BIN2: variants seen among roughly 807,000 people sequenced by gnomAD.
The protein encoded by BIN2 is bridging integrator 2.
In BIN2, 43 loss-of-function variants were observed where a neutral mutation model predicts 67.9. The observed-to-expected ratio is 0.63, with a 90% CI of 0.50 to 0.82. BIN2 has a LOEUF of 0.82. Among genes scored for constraint, BIN2 ranks in the 40% least tolerant of loss-of-function variants. The pLI is 0.00. For missense variants in BIN2, 581 were observed against 671.6 expected (o/e 0.87, Z 1.49); for synonymous variants, 244 against 246.8 (o/e 0.99, Z 0.11).
chr12:51,317,619 T>G (rs1592283045), intron 1 of BIN2, among the ~76,000 whole-genome samples: 1 of 151,162 alleles, frequency 6.6e-6, no homozygotes, highest in Non-Finnish European at 1.5e-5. Context: ...ATTGCGCCAT[T>G]GCACTCCAGC....
At chr12:51,323,121 C>T (rs1946330094) in intron 1 of BIN2, 2 of 152,102 alleles carry the variant, frequency 1.3e-5, no homozygotes, top group Non-Finnish European at 2.9e-5. Context: ...AAAGGAAAAC[C>T]GAAACTCTAT....
intron 8 of BIN2, among the ~76,000 whole-genome samples, chr12:51,296,641 C>T (rs1404218005): frequency 6.6e-6 from 1 of 151,890 alleles, no homozygotes; most frequent in African/African-American, 2.4e-5. Flanking sequence ...TCTTGGAATC[C>T]CAGGACTAGA....
chr12:51,302,031 T>C lies in BIN2; in HGVS notation c.397A>G (p.Ser133Gly). The C allele has an allele frequency of 1.9e-6, 3 of 1,612,564 alleles. No homozygotes were observed. The highest frequency in any genetic ancestry group is 2.5e-6 in the Non-Finnish European group (3 of 1,178,612). ...TGTACATTGAGTACCTTAATTTCACTGAACTGGGCAACATAGATTTCCATG... is the reference window on the plus strand; with the variant it reads ...TGTACATTGAGTACCTTAATTTCACCGAACTGGGCAACATAGATTTCCATG... ...RTMEIYVAQF[S>G]EIKERIAKRG... Residue 133 changes from serine (S) to glycine (G), a missense_variant, in exon 5 of 13, where the codon AGT (serine) becomes GGT (glycine). Transcript: ENST00000615107.
chr12:51,319,730 G>A (rs1177317445), intron 1 of BIN2, among the ~76,000 whole-genome samples: 2 of 152,084 alleles, frequency 1.3e-5, no homozygotes, highest in Non-Finnish European at 2.9e-5. Flanking sequence ...TAACTTTTCT[G>A]TAGATCAGGG....
chr12:51,293,130 C>T (rs1945434411), intron 9 of BIN2, among the ~76,000 whole-genome samples: 1 of 151,842 alleles, frequency 6.6e-6, no homozygotes, highest in Non-Finnish European at 1.5e-5. Context: ...CTCACAGAAA[C>T]CTGTGTTTTG....
chr12:51,303,933 T>C (rs1302527194), intron 2 of BIN2, among the ~76,000 whole-genome samples: 1 of 152,228 alleles, frequency 6.6e-6, no homozygotes, highest in African/African-American at 2.4e-5. Context: ...TATCACTTGA[T>C]TTTAAACTAG....
chr12:51,320,907 T>C (rs1946255246), intron 1 of BIN2, among the ~76,000 whole-genome samples: 1 of 117,924 alleles, frequency 8.5e-6, no homozygotes, highest in Admixed American at 9.3e-5. Flanking sequence ...AGTACTATAG[T>C]TGGAAATGAG....
chr12:51,309,537 T>C (rs796380304), intron 2 of BIN2, among the ~76,000 whole-genome samples: 20 of 151,178 alleles, frequency 1.3e-4, no homozygotes, highest in African/African-American at 4.8e-4. Context: ...ATTCTCTCAG[T>C]CAAGAAGTTT....
chr12:51,320,641 T>A (rs866513769), intron 1 of BIN2, among the ~76,000 whole-genome samples: 1,855 of 151,512 alleles, frequency 0.012, 40 homozygotes, highest in African/African-American at 0.042. Flanking sequence ...ATTCTTTTTT[T>A]TTTTTTTTTT....
At chr12:51,308,409 C>A (rs1019489682) in intron 2 of BIN2, among the ~76,000 whole-genome samples, 1 of 152,164 alleles carries the variant, frequency 6.6e-6, no homozygotes, top group Admixed American at 6.5e-5. Flanking sequence ...TACAAACAGT[C>A]CCAACCCTCA....
At chr12:51,322,377 TTGTA>T (rs1946306575) in intron 1 of BIN2, among the ~76,000 whole-genome samples, 3 of 152,146 alleles carry the variant, frequency 2.0e-5, no homozygotes, top group Admixed American at 2.0e-4. Flanking sequence ...ATACAATCAA[TTGTA>T]TGTCTTTTAT....
In BIN2 at chr12:51,295,577, AATATATATATATATATATATATATAT is replaced by A. The variant is rs1163870830; in HGVS notation, c.761+193_761+218del. Among the ~76,000 whole-genome samples the A allele has an allele frequency of 7.0e-3, 207 of 29,542 alleles. 19 individuals carry two copies. The highest frequency in any genetic ancestry group is 0.038 in the East Asian group (35 of 922). The allele number at this position is 29,542 out of a possible 152,430, so 19.4% of individuals were successfully genotyped here. Reference sequence around the variant, plus strand: ...GACTCCGTCTCAAAAAAAAAAAAAAAATATATATATATATATATATATATATATATATATATATATATATATATATA... The same window carrying A: ...GACTCCGTCTCAAAAAAAAAAAAAAAATATATATATATATATATATATATA... On this transcript the variant is annotated intron_variant, in intron 9 of 12. Transcript: ENST00000615107.
intron 1 of BIN2, among the ~76,000 whole-genome samples, chr12:51,319,146 A>C (rs567673128): frequency 6.6e-6 from 1 of 152,094 alleles, no homozygotes; most frequent in Non-Finnish European, 1.5e-5. Context: ...TTAGGTGGAG[A>C]GGACAGAAAA....
chr12:51,311,883 T>A (rs927057222), intron 2 of BIN2, among the ~76,000 whole-genome samples: 2 of 152,148 alleles, frequency 1.3e-5, no homozygotes, highest in Non-Finnish European at 2.9e-5. Context: ...GCAATTCTCC[T>A]GCTTCAGCCT....
chr12:51,303,589 T>G (rs2137402654), intron 2 of BIN2, among the ~76,000 whole-genome samples: 1 of 152,286 alleles, frequency 6.6e-6, no homozygotes, highest in Non-Finnish European at 1.5e-5. Context: ...CACTTTACCC[T>G]TCCCTTCCAT....
At position 51,292,164 on chromosome 12, in the gene BIN2, C is replaced by T. The variant is rs1175495961; in HGVS notation, c.942G>A (p.Glu314=). 1.9e-6 allele frequency: 3 copies of T among 1,613,716 alleles called. No homozygotes were observed. Among genetic ancestry groups the T allele is most frequent in the Non-Finnish European group, 1.7e-6 (2 of 1,180,004 alleles). The change falls in exon 10 of 13, where the codon GAG becomes GAA. Residue 314 remains glutamate (E), a synonymous_variant. Coordinates refer to ENST00000615107, the MANE Select transcript of BIN2 (RefSeq NM_016293.4). ...TCTCTATTTCCTCCTCTTCTAAGAG[C>T]TCCTTGATCTCAGAATTGTCTTCCC... ...AQGEDNSEIK[E]LLEEEEIEKE...
chr12:51,297,638 G>T (rs543036570), intron 7 of BIN2, among the ~76,000 whole-genome samples: 1 of 152,240 alleles, frequency 6.6e-6, no homozygotes, highest in Non-Finnish European at 1.5e-5. Context: ...CGTCAGAGCT[G>T]GGCCAGGAAC....
At position 51,324,163 on chromosome 12, in the gene BIN2, C is replaced by G. The variant is rs1271208459; in HGVS notation, c.-61G>C. ...GCGCCCTGTGGTTTTCTGAGGCCCC[C>G]GAGGAGGAAGTGCGGGCTCCCGGCA... is the stretch of plus-strand genomic sequence containing the variant. On this transcript the variant is annotated 5_prime_UTR_variant, in exon 1 of 13. Transcript: ENST00000615107. 33 of 1,598,104 alleles carry G rather than the reference C, an allele frequency of 2.1e-5. No individual in the cohort carries two copies. Among genetic ancestry groups the G allele is most frequent in the South Asian group, 1.3e-4 (12 of 89,758 alleles).
intron 10 of BIN2, among the ~76,000 whole-genome samples, chr12:51,288,494 A>G (rs1380972453): frequency 6.6e-6 from 1 of 151,974 alleles, no homozygotes; most frequent in East Asian, 1.9e-4. Context: ...ATTTTTCTTC[A>G]TATCACTTAT....
Sources: gnomAD v4.1 joint callset for allele counts (sites outside exome capture counted in the v4.1 genomes callset) on GRCh38, gnomAD v4.1.1 for gene constraint, MANE v1.5 for transcripts, NCBI Gene and HGNC (gene_info 2026-07-23, HGNC 2026-07-21) for gene names.